The following SEMA4C variants were observed in gnomAD, a reference collection of about 807,000 sequenced individuals.
SEMA4C encodes the protein semaphorin-4C.
A neutral mutation model predicts 89.0 loss-of-function variants in SEMA4C; 19 were observed. The ratio of observed to expected loss-of-function variants is 0.21; its 90% confidence interval spans 0.15 to 0.31. The LOEUF (loss-of-function observed/expected upper bound fraction) is 0.31, where lower values mean the gene tolerates loss of function less well. Ranked by LOEUF, SEMA4C falls within the 10% of genes least tolerant of loss-of-function variation. SEMA4C has a pLI of 1.00. For missense variants in SEMA4C, 811 were observed against 1,107.0 expected (o/e 0.73, Z 3.79); for synonymous variants, 428 against 472.7 (o/e 0.91, Z 1.23).
rs747244200 is a variant in SEMA4C at position 96,860,876 on chromosome 2, C to T, written c.2252G>A (p.Arg751Gln). 1.2e-4 allele frequency: 198 copies of T among 1,613,022 alleles called. No homozygotes were observed. The highest frequency in any genetic ancestry group is 1.5e-4 in the Non-Finnish European group (179 of 1,180,012). The change falls in exon 15 of 15, where the codon CGG becomes CAG. Residue 751 changes from arginine to glutamine, a missense_variant. Arg to Gln is a conservative substitution (Grantham distance 43). Transcript: ENST00000305476. ...GSLKIVPGHA[R>Q]CQPGGGPPSP... is the part of the protein sequence containing the mutation. ...AGGGGGCCCCCCACCGGGCTGGCAC[C>T]GGGCATGCCCAGGTACTATCTTAAG...
At chr2:96,862,723 G>A (rs946752103) in intron 12 of SEMA4C, 7 of 152,392 alleles carry the variant, frequency 4.6e-5, no homozygotes, top group East Asian at 1.9e-4. Context: ...TTAGCCAGGC[G>A]TGGTGATGGG....
At chr2:96,870,392 G>A, upstream of SEMA4C, 15 of 924,566 alleles carry the variant, frequency 1.6e-5, no homozygotes, top group Non-Finnish European at 1.9e-5. Context: ...TCTTTCTGAA[G>A]TGTCCCCCGA....
chr2:96,867,692 A>G (rs1429815547), intron 2 of SEMA4C, 86 bp downstream of exon 2: 13 of 1,321,746 alleles, frequency 9.8e-6, no homozygotes, highest in Non-Finnish European at 1.2e-5. Flanking sequence ...GCTGTGCCAC[A>G]CACGTGAGAA....
chr2:96,862,143 G>A, intron 12 of SEMA4C: 1 of 512,690 alleles, frequency 2.0e-6, no homozygotes, highest in Non-Finnish European at 3.5e-6. Context: ...GACGTTATTA[G>A]AAAGGGATGA....
chr2:96,860,167 A>C lies in SEMA4C; in HGVS notation c.*459T>G, dbSNP rs1574140519. On this transcript the variant is annotated 3_prime_UTR_variant, in exon 15 of 15. Transcript: ENST00000305476. ...GCCCGACACTCGGGGCAGTGGGGGT[A>C]GGAGAGACAAAGTGATACGACCCCT... 1 of 165,492 alleles carries C rather than the reference A, an allele frequency of 6.0e-6. No homozygotes were observed. Among genetic ancestry groups the C allele is most frequent in the Non-Finnish European group, 1.3e-5 (1 of 77,108 alleles). 10.3% of individuals were successfully genotyped at this position (165,492 alleles called of 1,614,324 possible).
intron 1 of SEMA4C, chr2:96,869,533 C>A: frequency 5.1e-6 from 5 of 985,298 alleles, no homozygotes; most frequent in Non-Finnish European, 6.0e-6. Flanking sequence ...CCTCCAAGCC[C>A]GCCCCAAACT....
At chr2:96,869,027 G>C (rs1478081934) in intron 1 of SEMA4C, 2 of 985,198 alleles carry the variant, frequency 2.0e-6, no homozygotes, top group East Asian at 1.1e-4. Flanking sequence ...CCCTCCCCCA[G>C]CTCCAGGGAT....
chr2:96,865,663 C>T lies in SEMA4C; in HGVS notation c.420+3G>A. On this transcript the variant is annotated splice_donor_region_variant and intron_variant, in intron 5 of 14. Coordinates refer to ENST00000305476, the MANE Select transcript of SEMA4C (RefSeq NM_017789.5). ...GACACCGAGGTAGGAGGGCAGCACT[C>T]ACGACGTAGGTGCACTTGGGCTGGA... 54 of 1,613,148 alleles carry T rather than the reference C, an allele frequency of 3.3e-5. No individual in the cohort carries two copies. The highest frequency in any genetic ancestry group is 4.6e-5 in the Non-Finnish European group (54 of 1,179,188).
At position 96,865,371 on chromosome 2, in the gene SEMA4C, G is replaced by A. The variant is rs79318484; in HGVS notation, c.518-51C>T. On this transcript the variant is annotated intron_variant, in intron 6 of 14. Coordinates refer to ENST00000305476, the MANE Select transcript of SEMA4C (RefSeq NM_017789.5). ...CCACACATGAGGTATGGACACATCC[G>A]GCCAACACAGACCCAAGTGGAACCA... The A allele has an allele frequency of 9.8e-4, 1,584 of 1,610,588 alleles. 41 individuals carry two copies. The East Asian group carries it at 0.016, about 16-fold the overall frequency.
At chr2:96,866,027 A>T in intron 3 of SEMA4C, 98 bp from the exon 4 acceptor site, 1 of 1,288,956 alleles carries the variant, frequency 7.8e-7, no homozygotes, top group Non-Finnish European at 1.1e-6. Context: ...CGCCCAGTGC[A>T]GAGGCATGGT....
rs2079912788 is a variant in SEMA4C, at chr2:96,860,358, C to T, written c.*268G>A. 2.0e-6 allele frequency: 1 copy of T among 500,692 alleles called. No individual in the cohort carries two copies. Among genetic ancestry groups the T allele is most frequent in the Non-Finnish European group, 3.5e-6 (1 of 284,206 alleles). 31.0% of individuals were successfully genotyped at this position (500,692 alleles called of 1,614,324 possible). A position where few individuals can be genotyped will look rare whatever the true frequency, so the allele number is the denominator to read the frequency against. On this transcript the variant is annotated 3_prime_UTR_variant, in exon 15 of 15. Coordinates refer to ENST00000305476, the MANE Select transcript of SEMA4C (RefSeq NM_017789.5). The stretch of plus-strand genomic sequence containing the variant: ...CAAACACACATCTTGAAACTTCTGC[C>T]TTGAAAAGTTTTGGCGGCTGGGGTC...
upstream of SEMA4C, chr2:96,870,144 CG>C (rs2080173004): frequency 1.0e-6 from 1 of 977,162 alleles, no homozygotes; most frequent in Non-Finnish European, 1.2e-6. Context: ...GAGCGGAGGC[CG>C]GGGGCGGGCC....
chr2:96,863,815 G>A (rs2080007243), intron 11 of SEMA4C, 21 bp from the exon 12 acceptor site: 1 of 1,611,252 alleles, frequency 6.2e-7, no homozygotes, highest in Non-Finnish European at 8.5e-7. Context: ...CAGAGGAGAA[G>A]GTGTAAATGA....
upstream of SEMA4C, chr2:96,870,096 C>G: frequency 3.1e-6 from 3 of 970,804 alleles, no homozygotes; most frequent in Non-Finnish European, 3.7e-6. Context: ...GGCCGCGGCT[C>G]TCCGCCCCCT....
At position 96,864,094 on chromosome 2, in the gene SEMA4C, C is replaced by T. The variant is rs376140493; in HGVS notation, c.1162G>A (p.Asp388Asn). The part of the protein sequence containing the change: ...HGYTSSLELP[D>N]NILNFVKKHP... ...TTCTTGACGAAGTTGAGGATGTTGT[C>T]GGGTAGCTCCAGGGAGCTGGTGTAG... The change falls in exon 11 of 15, where the codon GAC becomes AAC. Residue 388 changes from aspartate to asparagine, a missense_variant. By Grantham distance (23) the Asp-to-Asn change is conservative. Around this residue, in one of 4 missense-constraint regions of SEMA4C, gnomAD observed 441 missense variants for 664.9 expected, o/e 0.66. Transcript: ENST00000305476. The surrounding 1 kb of genome is among the most constrained non-coding windows in gnomAD (Gnocchi z 6.3). The T allele has an allele frequency of 9.9e-6, 16 of 1,612,652 alleles. No individual in the cohort carries two copies. The highest frequency in any genetic ancestry group is 1.7e-5 in the Admixed American group (1 of 59,972).
intron 12 of SEMA4C, 104 bp downstream of exon 12, chr2:96,863,578 C>A: frequency 3.8e-6 from 5 of 1,306,660 alleles, no homozygotes; most frequent in Non-Finnish European, 5.4e-6. Context: ...GTTCCTAACT[C>A]TGCACTGGCC....
chr2:96,868,867 C>A, intron 1 of SEMA4C: 1 of 985,414 alleles, frequency 1.0e-6, no homozygotes, highest in Non-Finnish European at 1.2e-6. Flanking sequence ...GACTGCGCCC[C>A]AGGGACCCTG....
At chr2:96,869,772 C>T in intron 1 of SEMA4C, 104 bp downstream of exon 1, 1 of 985,442 alleles carries the variant, frequency 1.0e-6, no homozygotes, top group Non-Finnish European at 1.2e-6. Flanking sequence ...CGCGCCCCAG[C>T]CCCTGTCCCT....
Position 96,864,036 on chromosome 2 carries a change from C to T in SEMA4C, c.1220G>A (p.Arg407Gln), listed in dbSNP as rs746995748. The change falls in exon 11 of 15, where the codon CGG becomes CAG. Residue 407 changes from arginine (R) to glutamine (Q), a missense_variant. Arg to Gln is a conservative substitution (Grantham distance 43, BLOSUM62 1). This residue lies in a region of SEMA4C where 441 missense variants were observed against 664.9 expected (regional missense o/e 0.66). Transcript: ENST00000305476. The surrounding 1 kb of genome is among the most constrained non-coding windows in gnomAD (Gnocchi z 6.3). Reference protein sequence around the residue: ...HPLMEEQVGPRWSRPLLVKKG... With the variant: ...HPLMEEQVGPQWSRPLLVKKG... Reference sequence around the variant, plus strand: ...CTTCACGAGCAGGGGGCGGCTCCACCGAGGCCCCACCTGCTCCTCCATCAG... The same window carrying T: ...CTTCACGAGCAGGGGGCGGCTCCACTGAGGCCCCACCTGCTCCTCCATCAG... 13 of 1,613,224 alleles carry T rather than the reference C, an allele frequency of 8.1e-6. No individual in the cohort carries two copies. The highest frequency in any genetic ancestry group is 1.7e-5 in the Admixed American group (1 of 60,008).
Sources: gnomAD v4.1 joint callset for allele counts on GRCh38, gnomAD v4.1.1 for gene constraint, gnomAD v4.1.1 regional missense constraint, Gnocchi (gnomAD v3.1) non-coding constraint, MANE v1.5 for transcripts, NCBI Gene and HGNC (gene_info 2026-07-23, HGNC 2026-07-21) for gene names.